Variants in STK39 observed in about 807,000 individuals in gnomAD.
STK39 encodes STE20/SPS1-related proline-alanine-rich protein kinase.
In STK39, 20 loss-of-function variants were observed where a neutral mutation model predicts 77.8. The ratio of observed to expected loss-of-function variants is 0.26; its 90% CI spans 0.18 to 0.37. STK39 has a LOEUF of 0.37. STK39 is among the 10% of genes least tolerant of loss of function. The pLI is 1.00. For missense variants in STK39, 479 were observed against 656.5 expected, an observed-to-expected ratio of 0.73 and a Z score of 2.95; for synonymous variants, 246 against 234.1, an observed-to-expected ratio of 1.05 and a Z score of -0.47.
At chr2:168,078,771 A>G (rs938472005) in intron 10 of STK39, among the ~76,000 whole-genome samples, 4 of 148,622 alleles carry the variant, frequency 2.7e-5, no homozygotes, top group Non-Finnish European at 5.9e-5. Flanking sequence ...GAAAGCACCC[A>G]CTAGCCTCTC....
At chr2:168,031,662 C>A (rs932236387) in intron 14 of STK39, among the ~76,000 whole-genome samples, 1 of 152,124 alleles carries the variant, frequency 6.6e-6, no homozygotes, top group African/African-American at 2.4e-5. Flanking sequence ...CATGTGCCCG[C>A]ACAGAGGAAA....
intron 10 of STK39, among the ~76,000 whole-genome samples, chr2:168,091,836 C>T (rs1033269472): frequency 1.3e-5 from 2 of 152,108 alleles, no homozygotes; most frequent in African/African-American, 4.8e-5. Flanking sequence ...TAAACTAAAT[C>T]CCAAACATGG....
intron 16 of STK39, among the ~76,000 whole-genome samples, chr2:167,988,770 C>T (rs1683624232): frequency 6.6e-6 from 1 of 152,090 alleles, no homozygotes; most frequent in African/African-American, 2.4e-5. Flanking sequence ...CACAGTTAAA[C>T]CACCTTTAAA....
chr2:168,191,247 TA>T (rs1677622952), intron 1 of STK39, among the ~76,000 whole-genome samples: 1 of 152,214 alleles, frequency 6.6e-6, no homozygotes, highest in African/African-American at 2.4e-5. Flanking sequence ...AATACCCAGT[TA>T]GGGGGAAAAG....
At chr2:168,233,890 T>A (rs909563492) in intron 1 of STK39, among the ~76,000 whole-genome samples, 1 of 152,196 alleles carries the variant, frequency 6.6e-6, no homozygotes. Flanking sequence ...TTGGACAGAA[T>A]CTGTGTTTAG....
rs1225025531 is a variant in STK39, at chr2:167,997,200, T to C, written c.1498+15434A>G. ...GCAGAGGCAAACACAGTGAATCTTG[T>C]GGACTATAAGTAGGACAACAGTGGT... On this transcript the variant is annotated intron_variant, in intron 16 of 17. Coordinates refer to ENST00000355999, the MANE Select transcript of STK39 (RefSeq NM_013233.3). Among the ~76,000 whole-genome samples the C allele has an allele frequency of 4.6e-5, 7 of 152,006 alleles. No individual in the cohort carries two copies. In the East Asian group the frequency reaches 1.3e-3, roughly 29 times the overall value.
At chr2:168,151,932 G>A (rs1029881832) in intron 5 of STK39, among the ~76,000 whole-genome samples, 4 of 152,176 alleles carry the variant, frequency 2.6e-5, no homozygotes, top group African/African-American at 9.7e-5. Flanking sequence ...AGCCACAGCA[G>A]TGGAGAGGAC....
At chr2:168,129,453 T>G in intron 10 of STK39, 88 bp downstream of exon 10, 1 of 1,416,330 alleles carries the variant, frequency 7.1e-7, no homozygotes, top group Non-Finnish European at 9.9e-7. Flanking sequence ...ATATCCTGCA[T>G]ATGTGGAAAT....
intron 1 of STK39, among the ~76,000 whole-genome samples, chr2:168,233,896 T>C (rs1289090515): frequency 2.0e-5 from 3 of 152,194 alleles, no homozygotes; most frequent in Non-Finnish European, 4.4e-5. Flanking sequence ...AGAATCTGTG[T>C]TTAGTCATCA....
At chr2:168,109,502 A>T (rs1687066060) in intron 10 of STK39, among the ~76,000 whole-genome samples, 1 of 152,188 alleles carries the variant, frequency 6.6e-6, no homozygotes, top group African/African-American at 2.4e-5. Context: ...GAGTTTATAC[A>T]TTGTTGTTTT....
chr2:168,134,501 C>T (rs1574492191), intron 8 of STK39, among the ~76,000 whole-genome samples: 2 of 141,282 alleles, frequency 1.4e-5, no homozygotes, highest in African/African-American at 2.8e-5. Flanking sequence ...GCAACATCAT[C>T]CCCCTTGTTG....
chr2:168,246,133 C>G (rs948253298), intron 1 of STK39, among the ~76,000 whole-genome samples: 6 of 152,070 alleles, frequency 3.9e-5, no homozygotes, highest in Admixed American at 1.3e-4. Flanking sequence ...ATTCTGAACT[C>G]CTTTTTCATC....
intron 10 of STK39, among the ~76,000 whole-genome samples, chr2:168,101,835 T>C (rs990547585): frequency 1.3e-5 from 2 of 152,194 alleles, no homozygotes; most frequent in African/African-American, 2.4e-5. Flanking sequence ...GGAATGTCAA[T>C]TGTTAGTATA....
intron 16 of STK39, among the ~76,000 whole-genome samples, chr2:167,975,555 C>T (rs994317265): frequency 1.3e-5 from 2 of 152,204 alleles, no homozygotes; most frequent in African/African-American, 4.8e-5. Context: ...GTGGCTCACG[C>T]CTGTAATCCT....
chr2:168,160,062 G>C (rs1688530680), intron 5 of STK39, among the ~76,000 whole-genome samples: 1 of 152,172 alleles, frequency 6.6e-6, no homozygotes, highest in Non-Finnish European at 1.5e-5. Flanking sequence ...AAAAGAAAAG[G>C]ACAATGTGTT....
intron 8 of STK39, among the ~76,000 whole-genome samples, chr2:168,132,541 C>A (rs1434877680): frequency 1.3e-5 from 2 of 152,198 alleles, no homozygotes; most frequent in Admixed American, 1.3e-4. Flanking sequence ...CAACGATGTT[C>A]TCACTCATCT....
intron 5 of STK39, among the ~76,000 whole-genome samples, chr2:168,141,972 T>G (rs1410750896): frequency 6.6e-6 from 1 of 152,206 alleles, no homozygotes; most frequent in Non-Finnish European, 1.5e-5. Context: ...TTACTCATAC[T>G]CCCAACAGGA....
chr2:168,023,591 C>T (rs1183942537), intron 14 of STK39, among the ~76,000 whole-genome samples: 1 of 152,182 alleles, frequency 6.6e-6, no homozygotes, highest in East Asian at 1.9e-4. Flanking sequence ...CAGCTCAGAA[C>T]TATTTGCATC....
chr2:168,003,014 C>T (rs1285126701), intron 16 of STK39, among the ~76,000 whole-genome samples: 1 of 152,184 alleles, frequency 6.6e-6, no homozygotes, highest in Admixed American at 6.5e-5. Flanking sequence ...GATGGAGTCT[C>T]GCTCTGTCGC....
Sources: gnomAD v4.1 joint callset for allele counts (sites outside exome capture counted in the v4.1 genomes callset) on GRCh38, gnomAD v4.1.1 for gene constraint, MANE v1.5 for transcripts, NCBI Gene and HGNC (gene_info 2026-07-23, HGNC 2026-07-21) for gene names.